HEPHL1: variants seen among roughly 807,000 people sequenced by gnomAD.
HEPHL1 encodes the protein ferroxidase HEPHL1.
Under a neutral mutation model 122.0 loss-of-function variants are expected in HEPHL1, and 123 were observed. The observed-to-expected ratio is 1.01, with a 90% CI of 0.87 to 1.17. The LOEUF (loss-of-function observed/expected upper bound fraction) is 1.17, where lower values mean the gene tolerates loss of function less well. Ranked by LOEUF, HEPHL1 falls within the 50% of genes most tolerant of loss-of-function variation. The pLI is 0.00. For synonymous variants in HEPHL1, 527 were observed against 508.9 expected (o/e 1.04, Z -0.48); for missense variants, 1,452 against 1,430.5 (o/e 1.01, Z -0.24).
chr11:94,072,155 T>C (rs1220036695), intron 6 of HEPHL1, among the ~76,000 whole-genome samples: 2 of 152,126 alleles, frequency 1.3e-5, no homozygotes, highest in Non-Finnish European at 2.9e-5. Context: ...ATCACGGTCT[T>C]GGCCATTATG....
chr11:94,090,386 C>T (rs1192545706), intron 12 of HEPHL1, among the ~76,000 whole-genome samples: 1 of 152,160 alleles, frequency 6.6e-6, no homozygotes, highest in African/African-American at 2.4e-5. Flanking sequence ...AAAATATAGC[C>T]TTTATGATGT....
chr11:94,095,608 A>T, intron 13 of HEPHL1, among the ~76,000 whole-genome samples: 1 of 151,874 alleles, frequency 6.6e-6, no homozygotes. Context: ...GCCATTGGGA[A>T]ATGGCAGTAT....
intron 13 of HEPHL1, among the ~76,000 whole-genome samples, chr11:94,097,883 T>A (rs1158535710): frequency 6.6e-6 from 1 of 152,178 alleles, no homozygotes; most frequent in Non-Finnish European, 1.5e-5. Context: ...TCTTCCTTCA[T>A]CCCTTTATTC....
chr11:94,026,689 T>C (rs1945628712), intron 1 of HEPHL1, among the ~76,000 whole-genome samples: 1 of 152,210 alleles, frequency 6.6e-6, no homozygotes, highest in Non-Finnish European at 1.5e-5. Flanking sequence ...ATCTTCTGTC[T>C]CTGGGAGGGA....
intron 2 of HEPHL1, among the ~76,000 whole-genome samples, chr11:94,051,552 T>A (rs1238273280): frequency 6.6e-6 from 1 of 152,158 alleles, no homozygotes; most frequent in Middle Eastern, 3.2e-3. Flanking sequence ...TAATCCCAGA[T>A]AGGTAGTTTG....
intron 10 of HEPHL1, among the ~76,000 whole-genome samples, chr11:94,082,950 A>G (rs537090017): frequency 1.3e-4 from 20 of 152,248 alleles, no homozygotes; most frequent in Admixed American, 7.2e-4. Context: ...TTAGCTGGGC[A>G]TGGTGGTGCG....
chr11:94,022,336 A>G (rs1026348666), intron 1 of HEPHL1, among the ~76,000 whole-genome samples: 3 of 152,206 alleles, frequency 2.0e-5, no homozygotes, highest in African/African-American at 7.2e-5. Context: ...TTATTAGAAC[A>G]TCTTTTCAGA....
At chr11:94,059,636 A>C (rs971251052) in intron 2 of HEPHL1, among the ~76,000 whole-genome samples, 1 of 152,156 alleles carries the variant, frequency 6.6e-6, no homozygotes, top group African/African-American at 2.4e-5. Flanking sequence ...AGCCTTAATA[A>C]ATTCTTTTGA....
At chr11:94,054,354 C>G (rs1267633185) in intron 2 of HEPHL1, among the ~76,000 whole-genome samples, 1 of 152,210 alleles carries the variant, frequency 6.6e-6, no homozygotes, top group Non-Finnish European at 1.5e-5. Context: ...TAGGGCTCCT[C>G]TTGCACTATC....
At position 94,093,571 on chromosome 11, in the gene HEPHL1, G is replaced by A. The variant is rs1209671075; in HGVS notation, c.2365G>A (p.Glu789Lys). The A allele has an allele frequency of 1.2e-6, 2 of 1,613,834 alleles. No individual in the cohort carries two copies. The highest frequency in any genetic ancestry group is 2.7e-5 in the African/African-American group (2 of 74,996). ...TCAGTACAAGAAGGTGGTTTACAGG[G>A]AATATACGGATGGAGAATTTGTGGA... Reference protein sequence around the residue: ...GSQYKKVVYREYTDGEFVEIK... With the variant: ...GSQYKKVVYRKYTDGEFVEIK... Residue 789 changes from glutamate (E) to lysine (K), a missense_variant, in exon 13 of 20, where the codon GAA becomes AAA. Coordinates refer to ENST00000315765, the MANE Select transcript of HEPHL1 (RefSeq NM_001098672.2).
At chr11:94,084,788 T>C (rs1233585396) in intron 10 of HEPHL1, among the ~76,000 whole-genome samples, 1 of 152,204 alleles carries the variant, frequency 6.6e-6, no homozygotes, top group Non-Finnish European at 1.5e-5. Context: ...AAGATTTTTT[T>C]TTCATAAAAT....
chr11:94,057,118 T>C (rs1386781523), intron 2 of HEPHL1, among the ~76,000 whole-genome samples: 1 of 152,152 alleles, frequency 6.6e-6, no homozygotes, highest in African/African-American at 2.4e-5. Context: ...AAGTCAACCA[T>C]TAATCATATT....
At chr11:94,098,787 T>C (rs1946341655) in intron 13 of HEPHL1, among the ~76,000 whole-genome samples, 1 of 152,246 alleles carries the variant, frequency 6.6e-6, no homozygotes, top group Non-Finnish European at 1.5e-5. Flanking sequence ...TGATACCCTT[T>C]CTTCCAGTTG....
chr11:94,028,005 C>G (rs1292691057), intron 1 of HEPHL1, among the ~76,000 whole-genome samples: 1 of 152,054 alleles, frequency 6.6e-6, no homozygotes, highest in Non-Finnish European at 1.5e-5. Flanking sequence ...CGTTCCTTCT[C>G]AAGCTCAAAC....
At position 94,021,459 on chromosome 11, in the gene HEPHL1, A is replaced by G. The variant is rs780464921; in HGVS notation, c.91A>G (p.Ile31Val). Residue 31 changes from isoleucine (I) to valine (V), a missense_variant, in exon 1 of 20, where the codon ATT becomes GTT. Coordinates refer to ENST00000315765, the MANE Select transcript of HEPHL1 (RefSeq NM_001098672.2). ...LVGTVTRTYY[I>V]GIVEEYWNYV... ...TGGCACAGTTACCAGAACGTACTAC[A>G]TTGGGATTGTGGAAGAATACTGGAA... 3.7e-6 allele frequency: 6 copies of G among 1,613,148 alleles called. No individual in the cohort carries two copies. In the African/African-American group the frequency reaches 4.0e-5, roughly 11 times the overall value.
intron 13 of HEPHL1, among the ~76,000 whole-genome samples, chr11:94,094,993 A>C (rs367686234): frequency 2.0e-5 from 3 of 152,168 alleles, no homozygotes; most frequent in East Asian, 3.8e-4. Flanking sequence ...GGAGCTCTTT[A>C]GTTTAATTAG....
intron 1 of HEPHL1, among the ~76,000 whole-genome samples, chr11:94,042,886 A>AACAAAAAACAAACAAAC (rs1945798788): frequency 6.7e-6 from 1 of 149,116 alleles, no homozygotes; most frequent in South Asian, 2.1e-4. Context: ...AAAAAAAAAA[A>AACAAAAAACAAACAAAC]AAAAAAACTG....
At chr11:94,036,015 C>T (rs1270146344) in intron 1 of HEPHL1, among the ~76,000 whole-genome samples, 2 of 152,208 alleles carry the variant, frequency 1.3e-5, no homozygotes, top group South Asian at 2.1e-4. Flanking sequence ...GGATTACAGG[C>T]GTGAGCCAAC....
intron 1 of HEPHL1, among the ~76,000 whole-genome samples, chr11:94,027,246 A>G (rs532215563): frequency 6.6e-6 from 1 of 152,300 alleles, no homozygotes; most frequent in East Asian, 1.9e-4. Context: ...CAGCTAATCC[A>G]GGATGATCTC....
Sources: allele counts gnomAD v4.1 joint callset (sites outside exome capture counted in the v4.1 genomes callset), GRCh38; gene constraint gnomAD v4.1.1; transcripts MANE v1.5; gene names NCBI Gene and HGNC (gene_info 2026-07-23, HGNC 2026-07-21).